The following SLC9A9 variants were observed in gnomAD, a reference collection of about 807,000 sequenced individuals.
SLC9A9 encodes solute carrier family 9 member A9.
A neutral mutation model predicts 77.8 loss-of-function variants in SLC9A9; 62 were observed. That is an observed-to-expected ratio of 0.80 (90% CI 0.65 to 0.98). The LOEUF (loss-of-function observed/expected upper bound fraction) is 0.98, where lower values mean the gene tolerates loss of function less well. SLC9A9 is among the 50% of genes least tolerant of loss of function. The pLI is 0.00. For synonymous variants in SLC9A9, 320 were observed against 283.5 expected, an observed-to-expected ratio of 1.13 and a Z score of -1.29; for missense variants, 775 against 774.9, an observed-to-expected ratio of 1.00 and a Z score of 0.00.
rs142819424 is a variant in SLC9A9 at position 143,467,114 on chromosome 3, A to G, written c.1392T>C (p.Thr464=). 5 of 1,614,086 alleles carry G rather than the reference A, an allele frequency of 3.1e-6. No homozygotes were observed. The African/African-American group carries it at 6.7e-5, about 22-fold the overall frequency. ...ESQPKQMMFT[T]TLLLVFFTVW... The stretch of plus-strand genomic sequence containing the variant: ...CAGTGAAGAACACGAGGAGCAGCGT[A>G]GTGGTAAACATCATTTGTTTGGGCT... The change falls in exon 12 of 16, where the codon ACT becomes ACC. Residue 464 remains threonine (T), a synonymous_variant. Coordinates refer to ENST00000316549, the MANE Select transcript of SLC9A9 (RefSeq NM_173653.4).
chr3:143,732,314 T>G (rs1217404761), intron 4 of SLC9A9, among the ~76,000 whole-genome samples: 4 of 152,242 alleles, frequency 2.6e-5, no homozygotes, highest in Non-Finnish European at 2.9e-5. Flanking sequence ...TATTTAGTAT[T>G]TATTCTGAAA....
intron 1 of SLC9A9, among the ~76,000 whole-genome samples, chr3:143,834,287 C>T (rs1241785972): frequency 6.6e-6 from 1 of 152,122 alleles, no homozygotes; most frequent in Non-Finnish European, 1.5e-5. Context: ...CTTCCATGCT[C>T]AGTGTTGAAT....
At chr3:143,845,910 A>T (rs1237518250) in intron 1 of SLC9A9, among the ~76,000 whole-genome samples, 1 of 152,230 alleles carries the variant, frequency 6.6e-6, no homozygotes, top group Non-Finnish European at 1.5e-5. Flanking sequence ...AAACTCATGA[A>T]AGAAGAATAG....
chr3:143,370,888 A>G (rs2033044655), intron 13 of SLC9A9, among the ~76,000 whole-genome samples: 1 of 152,072 alleles, frequency 6.6e-6, no homozygotes, highest in Admixed American at 6.6e-5. Flanking sequence ...GATCCTTGAA[A>G]GAAGGGAAGA....
intron 4 of SLC9A9, among the ~76,000 whole-genome samples, chr3:143,735,001 C>A (rs1364824024): frequency 3.9e-5 from 6 of 152,120 alleles, no homozygotes; most frequent in Non-Finnish European, 8.8e-5. Context: ...CTGGCCACAG[C>A]CCAGTTGAAT....
At chr3:143,359,996 T>C (rs953946286) in intron 14 of SLC9A9, among the ~76,000 whole-genome samples, 3 of 152,196 alleles carry the variant, frequency 2.0e-5, no homozygotes, top group Non-Finnish European at 4.4e-5. Context: ...TAATTATTCA[T>C]TGTTTGAATG....
intron 14 of SLC9A9, among the ~76,000 whole-genome samples, chr3:143,363,126 G>A (rs904435605): frequency 6.6e-6 from 1 of 152,178 alleles, no homozygotes; most frequent in Non-Finnish European, 1.5e-5. Context: ...TGCTGAGACT[G>A]TTCATACAAT....
intron 14 of SLC9A9, among the ~76,000 whole-genome samples, chr3:143,284,762 T>C (rs1372337388): frequency 6.6e-6 from 1 of 152,112 alleles, no homozygotes; most frequent in African/African-American, 2.4e-5. Context: ...TCAAAAAACT[T>C]GAAGTCTTAT....
chr3:143,290,594 C>CA (rs2029910137), intron 14 of SLC9A9, among the ~76,000 whole-genome samples: 2 of 152,186 alleles, frequency 1.3e-5, no homozygotes, highest in Non-Finnish European at 2.9e-5. Context: ...AAAAAGGATA[C>CA]ATCAGATTGC....
chr3:143,762,848 G>A (rs1176603741), intron 4 of SLC9A9, among the ~76,000 whole-genome samples: 1 of 152,116 alleles, frequency 6.6e-6, no homozygotes, highest in Non-Finnish European at 1.5e-5. Flanking sequence ...TGAGAAGGCT[G>A]TGTGGCTGAC....
chr3:143,401,095 T>C (rs753515687), intron 12 of SLC9A9, among the ~76,000 whole-genome samples: 2 of 152,200 alleles, frequency 1.3e-5, no homozygotes, highest in South Asian at 2.1e-4. Context: ...ATGGCATCAA[T>C]TGGGTTATCG....
At chr3:143,714,826 G>C (rs922073313) in intron 4 of SLC9A9, among the ~76,000 whole-genome samples, 4 of 152,174 alleles carry the variant, frequency 2.6e-5, no homozygotes, top group Non-Finnish European at 5.9e-5. Context: ...AGTCAGGTTG[G>C]GGTATGATAT....
intron 12 of SLC9A9, among the ~76,000 whole-genome samples, chr3:143,465,571 C>T (rs1297733285): frequency 1.3e-5 from 2 of 152,176 alleles, no homozygotes; most frequent in East Asian, 3.8e-4. Context: ...TTGAACTCAC[C>T]TAATAGTGTA....
At chr3:143,437,265 C>T (rs1360647293) in intron 12 of SLC9A9, among the ~76,000 whole-genome samples, 1 of 152,240 alleles carries the variant, frequency 6.6e-6, no homozygotes, top group Non-Finnish European at 1.5e-5. Flanking sequence ...ATACAGTGCT[C>T]CTATGGCAAA....
intron 6 of SLC9A9, among the ~76,000 whole-genome samples, chr3:143,597,319 T>A (rs936202582): frequency 4.6e-5 from 7 of 152,130 alleles, no homozygotes; most frequent in Non-Finnish European, 1.0e-4. Context: ...CGGCTTGACA[T>A]GGTGGGCACG....
intron 14 of SLC9A9, among the ~76,000 whole-genome samples, chr3:143,279,603 C>T (rs571025858): frequency 1.3e-5 from 2 of 152,176 alleles, no homozygotes; most frequent in East Asian, 3.9e-4. Context: ...TGTGATGTTC[C>T]CCTCCCTGGG....
intron 12 of SLC9A9, among the ~76,000 whole-genome samples, chr3:143,420,574 G>GTTGTTAACCTATT (rs150049664): frequency 0.093 from 14,180 of 152,102 alleles, 763 homozygotes; most frequent in South Asian, 0.17. Context: ...CTTGTGTTAG[G>GTTGTTAACCTATT]TTGTTAACCT....
At chr3:143,647,465 A>G (rs2038724675) in intron 6 of SLC9A9, among the ~76,000 whole-genome samples, 1 of 152,242 alleles carries the variant, frequency 6.6e-6, no homozygotes, top group East Asian at 1.9e-4. Flanking sequence ...GAAGAAGAAT[A>G]CATAAGTAAA....
chr3:143,768,051 T>C (rs1262403106), intron 4 of SLC9A9, among the ~76,000 whole-genome samples: 1 of 152,176 alleles, frequency 6.6e-6, no homozygotes, highest in Admixed American at 6.6e-5. Context: ...CCCTTTGCCC[T>C]TCCAGCTAGA....
Sources: gnomAD v4.1 joint callset for allele counts (sites outside exome capture counted in the v4.1 genomes callset) on GRCh38, gnomAD v4.1.1 for gene constraint, MANE v1.5 for transcripts, NCBI Gene and HGNC (gene_info 2026-07-23, HGNC 2026-07-21) for gene names.